COMMD1: variants seen among roughly 807,000 people sequenced by gnomAD.
COMMD1 encodes copper metabolism domain containing 1, also known as COMM domain-containing protein 1.
In COMMD1, 10 loss-of-function variants were observed where a neutral mutation model predicts 17.2. The observed-to-expected ratio is 0.58, with a 90% CI of 0.36 to 0.99. The LOEUF is 0.99. Among genes scored for constraint, COMMD1 ranks in the 50% least tolerant of loss-of-function variants. COMMD1 has a pLI of 0.01. For missense variants in COMMD1, 270 were observed against 231.8 expected, an observed-to-expected ratio of 1.17 and a Z score of -1.07; for synonymous variants, 97 against 91.6, an observed-to-expected ratio of 1.06 and a Z score of -0.34.
At chr2:62,059,091 T>A (rs1450240216) in intron 2 of COMMD1, among the ~76,000 whole-genome samples, 1 of 152,188 alleles carries the variant, frequency 6.6e-6, no homozygotes, top group Admixed American at 6.5e-5. Context: ...AATTTTCTTC[T>A]TAAGGTTGAA....
chr2:62,044,222 A>G (rs1330333873), intron 2 of COMMD1, among the ~76,000 whole-genome samples: 1 of 152,202 alleles, frequency 6.6e-6, no homozygotes, highest in Non-Finnish European at 1.5e-5. Flanking sequence ...TTTCTTCATT[A>G]TGATTAACCA....
chr2:62,064,262 C>T (rs1021686320), intron 2 of COMMD1, among the ~76,000 whole-genome samples: 3 of 152,180 alleles, frequency 2.0e-5, no homozygotes, highest in Non-Finnish European at 4.4e-5. Context: ...CAACCTCCAC[C>T]TCCTGGGTTC....
intron 1 of COMMD1, among the ~76,000 whole-genome samples, chr2:61,932,731 C>T (rs1468171821): frequency 1.3e-5 from 2 of 152,106 alleles, no homozygotes; most frequent in East Asian, 3.9e-4. Flanking sequence ...CTGCCGTGTG[C>T]CCAAACCCCT....
chr2:61,939,756 A>G (rs1436811547), intron 1 of COMMD1, among the ~76,000 whole-genome samples: 6 of 152,160 alleles, frequency 3.9e-5, no homozygotes, highest in Admixed American at 3.9e-4. Context: ...AATTTTTTGG[A>G]CCGTTCTTTA....
At chr2:62,015,812 A>G (rs1040112603) in intron 2 of COMMD1, among the ~76,000 whole-genome samples, 2 of 144,484 alleles carry the variant, frequency 1.4e-5, no homozygotes, top group African/African-American at 5.2e-5. Flanking sequence ...ACATCTTTTT[A>G]TGTGCTTATT....
At chr2:61,977,879 C>T (rs1387172420) in intron 1 of COMMD1, among the ~76,000 whole-genome samples, 3 of 151,142 alleles carry the variant, frequency 2.0e-5, no homozygotes, top group African/African-American at 4.9e-5. Context: ...ATCCCGGCTA[C>T]TAAGGAGGCT....
At chr2:61,960,232 C>T (rs916534200) in intron 1 of COMMD1, among the ~76,000 whole-genome samples, 52 of 152,192 alleles carry the variant, frequency 3.4e-4, no homozygotes, top group African/African-American at 1.2e-3. Flanking sequence ...ACAATCCCTT[C>T]TCTTTTTACT....
At chr2:61,963,188 T>TACAC (rs1308883491) in intron 1 of COMMD1, among the ~76,000 whole-genome samples, 2 of 128,390 alleles carry the variant, frequency 1.6e-5, no homozygotes, top group Non-Finnish European at 3.2e-5. Flanking sequence ...ATATATATTA[T>TACAC]ATACACACAC....
intron 2 of COMMD1, among the ~76,000 whole-genome samples, chr2:62,055,033 T>C (rs1463616441): frequency 6.6e-6 from 1 of 152,172 alleles, no homozygotes; most frequent in Non-Finnish European, 1.5e-5. Flanking sequence ...CAGATTAACA[T>C]TGGCAGAGAA....
At chr2:62,085,717 C>T (rs1224804385) in intron 2 of COMMD1, among the ~76,000 whole-genome samples, 1 of 151,488 alleles carries the variant, frequency 6.6e-6, no homozygotes, top group African/African-American at 2.4e-5. Flanking sequence ...TGGTGGCTCA[C>T]GCCTGTAATC....
intron 1 of COMMD1, among the ~76,000 whole-genome samples, chr2:61,964,330 C>G (rs1020944662): frequency 6.6e-6 from 1 of 152,082 alleles, no homozygotes; most frequent in Non-Finnish European, 1.5e-5. Context: ...TAGCAGTCCT[C>G]CCATCTCATA....
At chr2:62,076,852 T>G (rs1671349876) in intron 2 of COMMD1, among the ~76,000 whole-genome samples, 2 of 151,992 alleles carry the variant, frequency 1.3e-5, no homozygotes, top group South Asian at 4.1e-4. Context: ...AGTATTTAGG[T>G]CAGGCACAGT....
intron 1 of COMMD1, among the ~76,000 whole-genome samples, chr2:61,944,704 A>T (rs1214732969): frequency 6.6e-6 from 1 of 152,206 alleles, no homozygotes; most frequent in Non-Finnish European, 1.5e-5. Flanking sequence ...GGAAAGCAGA[A>T]CTGTAGACCT....
intron 2 of COMMD1, among the ~76,000 whole-genome samples, chr2:62,124,572 C>A (rs1217666231): frequency 6.6e-6 from 1 of 151,980 alleles, no homozygotes; most frequent in African/African-American, 2.4e-5. Flanking sequence ...GTTTTTGAGA[C>A]AGAGTCTCAC....
intron 2 of COMMD1, among the ~76,000 whole-genome samples, chr2:62,036,823 G>C (rs752933852): frequency 1.8e-4 from 27 of 152,224 alleles, no homozygotes; most frequent in Admixed American, 3.3e-4. Flanking sequence ...TTGGCCCCTA[G>C]GATTAGTAAA....
rs1019210278 is a variant in COMMD1, at chr2:61,915,856, A to G, written c.180+9998A>G. ...AGTTTTTTTGATTATTAAAAATAAA[A>G]TAGAGATGGGGTCTTATGTTGTCCA... On this transcript the variant is annotated intron_variant, in intron 1 of 2. Transcript: ENST00000311832. The G allele has an allele frequency of 9.1e-5, 26 of 284,516 alleles. No individual in the cohort carries two copies. In the Middle Eastern group the frequency reaches 4.0e-3, roughly 44 times the overall value. The allele number at this position is 284,516 out of a possible 1,614,324, so 17.6% of individuals were successfully genotyped here.
chr2:62,094,986 C>G (rs1419603517), intron 2 of COMMD1, among the ~76,000 whole-genome samples: 1 of 152,118 alleles, frequency 6.6e-6, no homozygotes, highest in East Asian at 1.9e-4. Context: ...AGATTATTGC[C>G]ACCACTCCAT....
At chr2:62,005,241 G>A (rs1055442307) in intron 2 of COMMD1, among the ~76,000 whole-genome samples, 1 of 152,116 alleles carries the variant, frequency 6.6e-6, no homozygotes, top group African/African-American at 2.4e-5. Context: ...AATAGAACTT[G>A]GTATCATATT....
intron 2 of COMMD1, among the ~76,000 whole-genome samples, chr2:62,024,253 G>T (rs2103861751): frequency 6.6e-6 from 1 of 152,274 alleles, no homozygotes; most frequent in Non-Finnish European, 1.5e-5. Context: ...GTCTCCCTCT[G>T]TAACTCATGC....
Sources: gnomAD v4.1 joint callset for allele counts (sites outside exome capture counted in the v4.1 genomes callset) on GRCh38, gnomAD v4.1.1 for gene constraint, MANE v1.5 for transcripts, NCBI Gene and HGNC (gene_info 2026-07-23, HGNC 2026-07-21) for gene names.